SWAP70: variants seen among roughly 807,000 people sequenced by gnomAD.
The protein encoded by SWAP70 is switch-associated protein 70.
Under a neutral mutation model 80.2 loss-of-function variants are expected in SWAP70, and 34 were observed. That is an observed-to-expected ratio of 0.42 (90% confidence interval 0.32 to 0.56). The LOEUF (loss-of-function observed/expected upper bound fraction) is 0.56. Among genes scored for constraint, SWAP70 ranks in the 20% least tolerant of loss-of-function variants. The probability of loss-of-function intolerance (pLI) is 0.09; values close to 1 mark genes in which losing one functional copy is unlikely to be tolerated. For synonymous variants in SWAP70, 239 were observed against 238.5 expected (o/e 1.00, Z -0.02); for missense variants, 578 against 690.7 (o/e 0.84, Z 1.83).
At chr11:9,679,125 G>A (rs1187858185) in intron 1 of SWAP70, among the ~76,000 whole-genome samples, 3 of 152,106 alleles carry the variant, frequency 2.0e-5, no homozygotes, top group Non-Finnish European at 4.4e-5. Flanking sequence ...GAGATCTTGC[G>A]GTTAAGGAGA....
intron 2 of SWAP70, among the ~76,000 whole-genome samples, chr11:9,710,329 G>T (rs911702314): frequency 5.3e-5 from 8 of 152,298 alleles, no homozygotes; most frequent in Middle Eastern, 3.4e-3. Flanking sequence ...AAAAGCAGCA[G>T]CAATTGCTGC....
chr11:9,687,177 A>G (rs963937891), intron 1 of SWAP70, among the ~76,000 whole-genome samples: 1 of 152,246 alleles, frequency 6.6e-6, no homozygotes, highest in Non-Finnish European at 1.5e-5. Context: ...TTCAGAGGAC[A>G]AGGTTCATAC....
At chr11:9,676,412 G>T (rs1850501157) in intron 1 of SWAP70, among the ~76,000 whole-genome samples, 1 of 152,082 alleles carries the variant, frequency 6.6e-6, no homozygotes, top group African/African-American at 2.4e-5. Flanking sequence ...GTATCCTTGG[G>T]GGATTGGTTC....
At chr11:9,681,238 T>C (rs1850564699) in intron 1 of SWAP70, 1 of 152,160 alleles carries the variant, frequency 6.6e-6, no homozygotes. Flanking sequence ...GCACTGTAAA[T>C]TAAGAGCAAG....
chr11:9,732,455 G>A, intron 6 of SWAP70, 74 bp from the exon 7 acceptor site: 1 of 1,418,396 alleles, frequency 7.1e-7, no homozygotes, highest in Non-Finnish European at 9.7e-7. Context: ...TTCCCACTGT[G>A]CCATTTGCAT....
At chr11:9,720,275 G>A (rs1186726158) in intron 3 of SWAP70, 1 of 985,252 alleles carries the variant, frequency 1.0e-6, no homozygotes, top group Non-Finnish European at 1.2e-6. Flanking sequence ...ACAGTCACTG[G>A]GAATGCTGAG....
intron 1 of SWAP70, among the ~76,000 whole-genome samples, chr11:9,671,776 T>TATAATATA (rs1565109918): frequency 3.5e-5 from 1 of 28,584 alleles, no homozygotes; most frequent in Non-Finnish European, 4.9e-5. Flanking sequence ...AATATAAATA[T>TATAATATA]AATATATTAT....
intron 3 of SWAP70, among the ~76,000 whole-genome samples, chr11:9,716,920 C>G (rs557916628): frequency 1.3e-5 from 2 of 152,160 alleles, no homozygotes; most frequent in Non-Finnish European, 2.9e-5. Context: ...GCAAAGGAAG[C>G]TGAATTGAAC....
chr11:9,736,049 CTTT>C (rs1411202442), intron 7 of SWAP70, among the ~76,000 whole-genome samples: 2 of 151,842 alleles, frequency 1.3e-5, no homozygotes, highest in African/African-American at 4.8e-5. Context: ...CATTTTTCTT[CTTT>C]TTTATTTTCT....
intron 6 of SWAP70, 65 bp from the exon 7 acceptor site, chr11:9,732,464 A>G (rs1851310080): frequency 9.5e-6 from 14 of 1,480,804 alleles, no homozygotes; most frequent in South Asian, 1.3e-5. Flanking sequence ...TGCCATTTGC[A>G]TAGTAGGCTT....
At position 9,709,964 on chromosome 11, in the gene SWAP70, C is replaced by G. The variant is rs190094699; in HGVS notation, c.241-3502C>G. On this transcript the variant is annotated intron_variant, in intron 2 of 11. Transcript: ENST00000318950. Reference sequence around the variant, plus strand: ...GAAAAGAAAATGTTATTAAGAAGATCATAAGGAAGAGAAAATGTATTTACT... The same window carrying G: ...GAAAAGAAAATGTTATTAAGAAGATGATAAGGAAGAGAAAATGTATTTACT... Among the ~76,000 whole-genome samples, 189 of 152,206 alleles carry G rather than the reference C, an allele frequency of 1.2e-3. 1 individual carries two copies. Among genetic ancestry groups the G allele is most frequent in the Admixed American group, 3.5e-3 (54 of 15,294 alleles).
rs1433285805 is a variant in SWAP70, at chr11:9,751,494, T to C, written c.*1524T>C. Reference sequence around the variant, plus strand: ...AAATTGTAAATAAATATGGGGATAATTCAGTTGTTGCAAAAAAAGGGCAGA... The same window carrying C: ...AAATTGTAAATAAATATGGGGATAACTCAGTTGTTGCAAAAAAAGGGCAGA... On this transcript the variant is annotated 3_prime_UTR_variant, in exon 12 of 12. Coordinates refer to ENST00000318950, the MANE Select transcript of SWAP70 (RefSeq NM_015055.4). 1 of 152,200 alleles carries C rather than the reference T, an allele frequency of 6.6e-6. No individual in the cohort carries two copies. Among genetic ancestry groups the C allele is most frequent in the Admixed American group, 6.5e-5 (1 of 15,274 alleles). The allele number at this position is 152,200 out of a possible 1,614,324, so 9.4% of individuals were successfully genotyped here.
intron 6 of SWAP70, among the ~76,000 whole-genome samples, chr11:9,730,068 G>A (rs917196012): frequency 1.3e-5 from 2 of 152,084 alleles, no homozygotes; most frequent in Admixed American, 1.3e-4. Context: ...ATCATCACTC[G>A]CATAGTTGCT....
At position 9,694,187 on chromosome 11, in the gene SWAP70, T is replaced by C. The variant is rs1850727660; in HGVS notation, c.141T>C (p.His47=). The part of the protein sequence containing the change: ...HNLCTVLKVP[H]DPVALEEHFR... ...TGTGCACGGTGCTGAAGGTTCCTCATGACCCAGTTGCCCTTGAAGAGCACT... is the reference window on the plus strand; with the variant it reads ...TGTGCACGGTGCTGAAGGTTCCTCACGACCCAGTTGCCCTTGAAGAGCACT... The change falls in exon 2 of 12, where the codon CAT becomes CAC. Residue 47 remains histidine, a synonymous_variant. Transcript: ENST00000318950. 2 of 1,612,938 alleles carry C rather than the reference T, an allele frequency of 1.2e-6. No homozygotes were observed. Among genetic ancestry groups the C allele is most frequent in the South Asian group, 2.2e-5 (2 of 90,952 alleles).
chr11:9,737,850 C>T (rs1031897789), intron 7 of SWAP70, among the ~76,000 whole-genome samples: 1 of 152,152 alleles, frequency 6.6e-6, no homozygotes, highest in African/African-American at 2.4e-5. Context: ...GAGCCGAGAT[C>T]GTGCCACTGC....
At chr11:9,717,972 T>C (rs1013331974) in intron 3 of SWAP70, among the ~76,000 whole-genome samples, 2 of 152,238 alleles carry the variant, frequency 1.3e-5, no homozygotes, top group African/African-American at 2.4e-5. Context: ...TTCTGACTAT[T>C]GTGCCTAAGA....
intron 6 of SWAP70, among the ~76,000 whole-genome samples, chr11:9,732,000 A>G (rs1851304540): frequency 6.6e-6 from 1 of 152,252 alleles, no homozygotes. Context: ...TTATTTTTAA[A>G]ATAAATGACA....
chr11:9,727,317 G>A (rs1851238225), intron 4 of SWAP70, among the ~76,000 whole-genome samples: 1 of 152,174 alleles, frequency 6.6e-6, no homozygotes, highest in African/African-American at 2.4e-5. Context: ...GAACCTAGGA[G>A]GCAGAGAGGT....
intron 1 of SWAP70, among the ~76,000 whole-genome samples, chr11:9,676,307 A>G (rs1389175006): frequency 6.6e-6 from 1 of 152,186 alleles, no homozygotes; most frequent in Non-Finnish European, 1.5e-5. Context: ...AGCTGAGTAA[A>G]TGTAGTTGAA....
Sources: allele counts gnomAD v4.1 joint callset (sites outside exome capture counted in the v4.1 genomes callset), GRCh38; gene constraint gnomAD v4.1.1; transcripts MANE v1.5; gene names NCBI Gene and HGNC (gene_info 2026-07-23, HGNC 2026-07-21).